Variants in WNT9A observed in about 807,000 individuals in gnomAD.
WNT9A encodes protein Wnt-9a.
A neutral mutation model predicts 31.4 loss-of-function variants in WNT9A; 8 were observed. The observed-to-expected ratio is 0.26, with a 90% confidence interval of 0.15 to 0.46. The LOEUF (loss-of-function observed/expected upper bound fraction) is 0.46. WNT9A is among the 20% of genes least tolerant of loss of function. WNT9A has a pLI of 0.99. For synonymous variants in WNT9A, 236 were observed against 220.1 expected (o/e 1.07, Z -0.64); for missense variants, 457 against 522.9 (o/e 0.87, Z 1.23).
intron 1 of WNT9A, chr1:227,941,597 C>A (rs1666707218): frequency 6.5e-6 from 1 of 154,196 alleles, no homozygotes; most frequent in South Asian, 2.0e-4. Flanking sequence ...CTGGGGCCGA[C>A]CTCAAGGGAC....
intron 1 of WNT9A, among the ~76,000 whole-genome samples, chr1:227,940,954 C>A (rs1666694795): frequency 6.6e-6 from 1 of 152,272 alleles, no homozygotes; most frequent in South Asian, 2.1e-4. Flanking sequence ...CCTGCCCGGC[C>A]TGGACCACGG....
At position 227,921,527 on chromosome 1, in the gene WNT9A, G is replaced by A. The variant is rs1043841676; in HGVS notation, c.1089C>T (p.Cys363=). Residue 363 remains cysteine (C), a synonymous_variant, in exon 4 of 4, where the codon TGC becomes TGT. Coordinates refer to ENST00000272164, the MANE Select transcript of WNT9A (RefSeq NM_003395.4). ...QCTQREEVYT[C]KG ...GGCAGGGCCTGGGAACTCAGCCCTTGCAGGTGTAGACCTCCTCACGCTGCG... is the reference window on the plus strand; with the variant it reads ...GGCAGGGCCTGGGAACTCAGCCCTTACAGGTGTAGACCTCCTCACGCTGCG... 21 of 1,606,292 alleles carry A rather than the reference G, an allele frequency of 1.3e-5. No individual in the cohort carries two copies. The highest frequency in any genetic ancestry group is 1.7e-5 in the Non-Finnish European group (20 of 1,174,790).
chr1:227,932,041 C>G (rs565368982), intron 1 of WNT9A, among the ~76,000 whole-genome samples: 6 of 152,334 alleles, frequency 3.9e-5, no homozygotes, highest in Non-Finnish European at 8.8e-5. Flanking sequence ...TAAAGCAAGA[C>G]AACTATGAAG....
intron 1 of WNT9A, among the ~76,000 whole-genome samples, chr1:227,944,786 C>G (rs993396958): frequency 2.0e-5 from 3 of 152,216 alleles, no homozygotes; most frequent in African/African-American, 7.2e-5. Flanking sequence ...CATCGTGCCC[C>G]CGCAAAGTAA....
chr1:227,935,153 C>T (rs1370620710), intron 1 of WNT9A, among the ~76,000 whole-genome samples: 1 of 151,336 alleles, frequency 6.6e-6, no homozygotes, highest in Non-Finnish European at 1.5e-5. Flanking sequence ...AGTCACATCC[C>T]CTGTTCACCA....
At chr1:227,929,010 T>C (rs1463837158) in intron 1 of WNT9A, among the ~76,000 whole-genome samples, 3 of 152,090 alleles carry the variant, frequency 2.0e-5, no homozygotes, top group African/African-American at 7.2e-5. Flanking sequence ...TGTGCACGTG[T>C]GTGTGTGTGT....
At chr1:227,946,255 T>C (rs1040241999) in intron 1 of WNT9A, among the ~76,000 whole-genome samples, 2 of 152,314 alleles carry the variant, frequency 1.3e-5, no homozygotes, top group African/African-American at 4.8e-5. Context: ...AGCCCAGAGA[T>C]AGGTCAGAGA....
At position 227,925,354 on chromosome 1, in the gene WNT9A, G is replaced by C. The variant is rs752840119; in HGVS notation, c.261C>G (p.Ser87Arg). 4 of 1,611,188 alleles carry C rather than the reference G, an allele frequency of 2.5e-6. No homozygotes were observed. Among genetic ancestry groups the C allele is most frequent in the Non-Finnish European group, 3.4e-6 (4 of 1,179,472 alleles). Residue 87 changes from serine to arginine, a missense_variant, in exon 2 of 4, where the codon AGC becomes AGG. By Grantham distance (110) the Ser-to-Arg change is moderately radical. Transcript: ENST00000272164. The surrounding 1 kb of genome is among the most constrained non-coding windows in gnomAD (Gnocchi z 6.0). ...GVAETLVEAVSMSALECQFQF... is the reference protein window; with the variant it reads ...GVAETLVEAVRMSALECQFQF... ...GGAACTGGCACTCGAGCGCACTCAT[G>C]CTCACGGCCTCCACCAGCGTCTCTG...
At chr1:227,930,411 A>G in intron 1 of WNT9A, among the ~76,000 whole-genome samples, 1 of 152,192 alleles carries the variant, frequency 6.6e-6, no homozygotes, top group African/African-American at 2.4e-5. Context: ...CGGGGCACAG[A>G]TGGCCTATCC....
In WNT9A at chr1:227,919,296, AG is replaced by A. The variant is rs889736443; in HGVS notation, c.*2221del. The A allele has an allele frequency of 2.6e-5, 4 of 152,160 alleles. No homozygotes were observed. Among genetic ancestry groups the A allele is most frequent in the African/African-American group, 9.7e-5 (4 of 41,402 alleles). The allele number at this position is 152,160 out of a possible 1,614,324, so 9.4% of individuals were successfully genotyped here. A position where few individuals can be genotyped will look rare whatever the true frequency, so the allele number is the denominator to read the frequency against. On this transcript the variant is annotated 3_prime_UTR_variant, in exon 4 of 4. Transcript: ENST00000272164. ...AGGGGCTACCACCCCCACCCCTTCT[AG>A]CCAGGCTTCACCAGACAAAGGACAA...
At chr1:227,922,252 C>T (rs762012098) in intron 3 of WNT9A, among the ~76,000 whole-genome samples, 8 of 152,204 alleles carry the variant, frequency 5.3e-5, no homozygotes, top group Non-Finnish European at 1.2e-4. Flanking sequence ...GGGGTGGCCA[C>T]CCTGGCATCT....
In WNT9A at chr1:227,928,158, AG is replaced by A. The variant is rs1666451573; in HGVS notation, c.96-2640del. 6.6e-6 allele frequency among the ~76,000 whole-genome samples: 1 copy of A among 152,092 alleles called. No homozygotes were observed. Among genetic ancestry groups the A allele is most frequent in the African/African-American group, 2.4e-5 (1 of 41,408 alleles). On this transcript the variant is annotated intron_variant, in intron 1 of 3. Coordinates refer to ENST00000272164, the MANE Select transcript of WNT9A (RefSeq NM_003395.4). This position sits in a 1 kb window ranked among gnomAD's most constrained non-coding sequence, Gnocchi z 4.5. Reference sequence around the variant, plus strand: ...GAGCTGGTTTGACGGTGACTAGCTGAGTCCTCCAGCCTTCCCTAGGGCACCC... The same window carrying A: ...GAGCTGGTTTGACGGTGACTAGCTGATCCTCCAGCCTTCCCTAGGGCACCC...
rs545450654 is a variant in WNT9A, at chr1:227,945,135, C to G, written c.95+2658G>C. Reference sequence around the variant, plus strand: ...CCCAGCAAGGGCGAAGCGAGAGGGGCCTCCCAATGGAGGACAAACCATGTC... The same window carrying G: ...CCCAGCAAGGGCGAAGCGAGAGGGGGCTCCCAATGGAGGACAAACCATGTC... On this transcript the variant is annotated intron_variant, in intron 1 of 3. Coordinates refer to ENST00000272164, the MANE Select transcript of WNT9A (RefSeq NM_003395.4). Among the ~76,000 whole-genome samples, 695 of 152,334 alleles carry G rather than the reference C, an allele frequency of 4.6e-3. 3 individuals are homozygous for G. The highest frequency in any genetic ancestry group is 7.4e-3 in the Non-Finnish European group (502 of 68,026).
At chr1:227,939,976 T>C (rs1360440297) in intron 1 of WNT9A, among the ~76,000 whole-genome samples, 3 of 151,982 alleles carry the variant, frequency 2.0e-5, no homozygotes, top group Admixed American at 2.0e-4. Context: ...ACCCAGGAGG[T>C]GGGGCACATG....
At chr1:227,947,647 G>T in intron 1 of WNT9A, 146 bp downstream of exon 1, 1 of 292,488 alleles carries the variant, frequency 3.4e-6, no homozygotes, top group Non-Finnish European at 5.3e-6. Context: ...CGACGCGCGC[G>T]CCGCAAACAA....
At chr1:227,929,196 G>T (rs943311344) in intron 1 of WNT9A, among the ~76,000 whole-genome samples, 1 of 151,798 alleles carries the variant, frequency 6.6e-6, no homozygotes, top group Non-Finnish European at 1.5e-5. Context: ...TCCAGAGACC[G>T]TGACGGGAGG....
At chr1:227,937,665 G>A (rs899180972) in intron 1 of WNT9A, among the ~76,000 whole-genome samples, 16 of 152,216 alleles carry the variant, frequency 1.1e-4, no homozygotes, top group Non-Finnish European at 2.2e-4. Context: ...CCCACGGTTC[G>A]CAGCCATCGC....
At chr1:227,933,494 G>C (rs1666543709) in intron 1 of WNT9A, among the ~76,000 whole-genome samples, 1 of 152,166 alleles carries the variant, frequency 6.6e-6, no homozygotes, top group African/African-American at 2.4e-5. Flanking sequence ...TTTTCTTCAA[G>C]AACTTCTTTG....
At chr1:227,940,401 G>T (rs1000711285) in intron 1 of WNT9A, among the ~76,000 whole-genome samples, 6 of 152,188 alleles carry the variant, frequency 3.9e-5, no homozygotes, top group African/African-American at 1.2e-4. Flanking sequence ...CACACAACTG[G>T]TCAGCAGGAC....
Sources: gnomAD v4.1 joint callset for allele counts (sites outside exome capture counted in the v4.1 genomes callset) on GRCh38, gnomAD v4.1.1 for gene constraint, Gnocchi (gnomAD v3.1) non-coding constraint, MANE v1.5 for transcripts, NCBI Gene and HGNC (gene_info 2026-07-23, HGNC 2026-07-21) for gene names.